RCC2: variants seen among roughly 807,000 people sequenced by gnomAD.
RCC2 encodes the protein protein RCC2.
A neutral mutation model predicts 64.1 loss-of-function variants in RCC2; 19 were observed. That is an observed-to-expected ratio of 0.30 (90% CI 0.21 to 0.44). The LOEUF is 0.44. Among genes scored for constraint, RCC2 ranks in the 20% least tolerant of loss-of-function variants. The pLI is 1.00. For missense variants in RCC2, 508 were observed against 710.4 expected, an observed-to-expected ratio of 0.72 and a Z score of 3.24; for synonymous variants, 325 against 279.6, an observed-to-expected ratio of 1.16 and a Z score of -1.62.
At chr1:17,429,621 A>G (rs1057242648) in intron 2 of RCC2, among the ~76,000 whole-genome samples, 2 of 152,162 alleles carry the variant, frequency 1.3e-5, no homozygotes, top group African/African-American at 4.8e-5. Flanking sequence ...TGCGACCTCA[A>G]ACCTTAGGAG....
rs148901762 is a variant in RCC2, at chr1:17,427,972, G to A, written c.379+1134C>T. On this transcript the variant is annotated intron_variant, in intron 3 of 12. Coordinates refer to ENST00000375436, the MANE Select transcript of RCC2 (RefSeq NM_018715.4). ...GAGCTACTGTGTGGCTTGCTGTGGT[G>A]CTATCTTGCAAAAACCAAGACATCC... Among the ~76,000 whole-genome samples the A allele has an allele frequency of 1.2e-4, 19 of 152,302 alleles. No individual in the cohort carries two copies. In the East Asian group the frequency reaches 3.7e-3, roughly 29 times the overall value.
intron 12 of RCC2, 65 bp downstream of exon 12, chr1:17,409,909 C>T (rs2075406358): frequency 7.3e-7 from 1 of 1,363,682 alleles, no homozygotes; most frequent in Non-Finnish European, 1.1e-6. Context: ...TGATCAAAAT[C>T]ATGAGGAGTG....
intron 4 of RCC2, among the ~76,000 whole-genome samples, chr1:17,424,928 C>A (rs1446469208): frequency 1.3e-5 from 2 of 152,144 alleles, no homozygotes; most frequent in African/African-American, 4.8e-5. Context: ...GAACCCATCC[C>A]GAGTGCCCAG....
intron 2 of RCC2, among the ~76,000 whole-genome samples, chr1:17,434,912 T>TG (rs1465768420): frequency 6.6e-6 from 1 of 152,336 alleles, no homozygotes; most frequent in East Asian, 1.9e-4. Flanking sequence ...CAAGACAGCC[T>TG]GGCCAACATG....
In RCC2 at chr1:17,438,241, T is replaced by C; in HGVS notation, c.274A>G (p.Lys92Glu). Residue 92 changes from lysine to glutamate, a missense_variant, in exon 2 of 13, where the codon AAG (lysine) becomes GAG (glutamate). Physicochemically the swap from Lys to Glu is moderately conservative, Grantham distance 56. Transcript: ENST00000375436. The part of the protein sequence containing the change: ...AVVITEPEHT[K>E]ERVKLEGSKC... ...TGACCCTCACTCACGACGCGCTCCT[T>C]GGTGTGCTCGGGTTCGGTGATGACC... 7.6e-7 allele frequency: 1 copy of C among 1,317,800 alleles called. No individual in the cohort carries two copies. The highest frequency in any genetic ancestry group is 9.9e-7 in the Non-Finnish European group (1 of 1,014,940). 81.6% of individuals were successfully genotyped at this position (1,317,800 alleles called of 1,614,324 possible). A position where few individuals can be genotyped will look rare whatever the true frequency, so the allele number is the denominator to read the frequency against.
intron 7 of RCC2, among the ~76,000 whole-genome samples, chr1:17,418,269 C>G (rs149173183): frequency 1.4e-5 from 2 of 144,918 alleles, no homozygotes; most frequent in South Asian, 4.5e-4. Context: ...GGCTGGAGTG[C>G]GGTGGCATGA....
At chr1:17,426,738 C>G (rs1320981265) in intron 3 of RCC2, among the ~76,000 whole-genome samples, 3 of 150,148 alleles carry the variant, frequency 2.0e-5, no homozygotes, top group African/African-American at 7.4e-5. Context: ...GAGGATGGGG[C>G]AGGGCCAATT....
At chr1:17,433,832 C>T (rs982111094) in intron 2 of RCC2, among the ~76,000 whole-genome samples, 2 of 152,160 alleles carry the variant, frequency 1.3e-5, no homozygotes, top group Non-Finnish European at 2.9e-5. Context: ...GACCGCTGCT[C>T]CGGGGAGGTA....
intron 2 of RCC2, among the ~76,000 whole-genome samples, chr1:17,434,717 G>A (rs1016391042): frequency 3.3e-5 from 5 of 152,220 alleles, no homozygotes; most frequent in Non-Finnish European, 7.3e-5. Flanking sequence ...GGTGGATAGT[G>A]TCAAGAGATG....
intron 10 of RCC2, among the ~76,000 whole-genome samples, chr1:17,412,561 G>T (rs1363755006): frequency 6.6e-6 from 1 of 152,154 alleles, no homozygotes; most frequent in Admixed American, 6.5e-5. Context: ...ATTTGGGCAG[G>T]GCTAGAGCCT....
chr1:17,437,527 C>G (rs374739801), intron 2 of RCC2, among the ~76,000 whole-genome samples: 7 of 152,178 alleles, frequency 4.6e-5, no homozygotes, highest in African/African-American at 1.7e-4. Context: ...GAAGCCCGCC[C>G]AGGACCCTAG....
At chr1:17,426,389 A>G (rs2075616917) in intron 3 of RCC2, among the ~76,000 whole-genome samples, 1 of 151,860 alleles carries the variant, frequency 6.6e-6, no homozygotes, top group African/African-American at 2.4e-5. Flanking sequence ...CCACCCATAT[A>G]TTCGCTTCCC....
At chr1:17,435,093 A>G (rs2075722152) in intron 2 of RCC2, among the ~76,000 whole-genome samples, 1 of 151,898 alleles carries the variant, frequency 6.6e-6, no homozygotes, top group South Asian at 2.1e-4. Context: ...ACAGAGCAAG[A>G]CTCCATCTGG....
intron 2 of RCC2, among the ~76,000 whole-genome samples, chr1:17,433,642 C>T (rs1234488662): frequency 2.6e-5 from 4 of 152,164 alleles, no homozygotes; most frequent in Non-Finnish European, 5.9e-5. Context: ...CTGGCTGCCT[C>T]CAGCAACTTG....
chr1:17,409,537 CT>C (rs2075402903), intron 12 of RCC2, among the ~76,000 whole-genome samples: 1 of 152,154 alleles, frequency 6.6e-6, no homozygotes, highest in Admixed American at 6.5e-5. Flanking sequence ...TGCACCACCC[CT>C]CTCTGTGTCT....
rs2075387357 is a variant in RCC2 at position 17,408,423 on chromosome 1, T to C, written c.*667A>G. The C allele has an allele frequency of 1.3e-5, 2 of 152,136 alleles. No homozygotes were observed. Among genetic ancestry groups the C allele is most frequent in the Non-Finnish European group, 1.5e-5 (1 of 68,100 alleles). The allele number at this position is 152,136 out of a possible 1,614,324, so 9.4% of individuals were successfully genotyped here. A position where few individuals can be genotyped will look rare whatever the true frequency, so the allele number is the denominator to read the frequency against. ...ACCTCTTTAACAGCTAAAGTAGATA[T>C]AAATGGCTAAACACAGATCCCCAAT... On this transcript the variant is annotated 3_prime_UTR_variant, in exon 13 of 13. Transcript: ENST00000375436.
rs754479945 is a variant in RCC2, at chr1:17,416,483, G to A, written c.1023C>T (p.His341=). Residue 341 remains histidine, a synonymous_variant, in exon 8 of 13, where the codon CAC becomes CAT. Transcript: ENST00000375436. The stretch of plus-strand genomic sequence containing the variant: ...AGTGAGAAAAGCCGAGCCTCACCGT[G>A]TGGTTAGCGCCACAGGCCACGTCTC... ...VVRDVACGAN[H]TLVLDSQKRV... is the part of the protein sequence containing the mutation. 5 of 1,607,010 alleles carry A rather than the reference G, an allele frequency of 3.1e-6. No individual in the cohort carries two copies. Among genetic ancestry groups the A allele is most frequent in the Non-Finnish European group, 4.3e-6 (5 of 1,175,272 alleles).
Position 17,425,528 on chromosome 1 carries a change from G to A in RCC2, c.523+13C>T, listed in dbSNP as rs766550295. The A allele has an allele frequency of 8.2e-6, 13 of 1,595,086 alleles. No homozygotes were observed. Among genetic ancestry groups the A allele is most frequent in the African/African-American group, 4.0e-5 (3 of 74,402 alleles). On this transcript the variant is annotated intron_variant, in intron 4 of 12. Coordinates refer to ENST00000375436, the MANE Select transcript of RCC2 (RefSeq NM_018715.4). ...CAGTGGTCCCCAGTGCCCAGCACCC[G>A]CACGGTACTCACCCCAGCTCCACAG...
At chr1:17,423,954 T>C (rs1359939260) in intron 4 of RCC2, among the ~76,000 whole-genome samples, 1 of 152,216 alleles carries the variant, frequency 6.6e-6, no homozygotes, top group Non-Finnish European at 1.5e-5. Context: ...TGACTCGCTC[T>C]AATTAAAGAA....
Sources: gnomAD v4.1 joint callset for allele counts (sites outside exome capture counted in the v4.1 genomes callset) on GRCh38, gnomAD v4.1.1 for gene constraint, MANE v1.5 for transcripts, NCBI Gene and HGNC (gene_info 2026-07-23, HGNC 2026-07-21) for gene names.